Variants in LRRC4C observed in about 807,000 individuals in gnomAD.
LRRC4C encodes leucine-rich repeat-containing protein 4C.
Under a neutral mutation model 33.6 loss-of-function variants are expected in LRRC4C, and 5 were observed. That is an observed-to-expected ratio of 0.15 (90% confidence interval 0.08 to 0.31). The LOEUF is 0.31. LRRC4C is among the 10% of genes least tolerant of loss of function. The probability of loss-of-function intolerance (pLI) is 1.00; values close to 1 mark genes in which losing one functional copy is unlikely to be tolerated. For missense variants in LRRC4C, 560 were observed against 796.7 expected (o/e 0.70, Z 3.58); for synonymous variants, 329 against 302.0 (o/e 1.09, Z -0.93).
At chr11:40,886,356 A>G (rs980238528) in intron 2 of LRRC4C, among the ~76,000 whole-genome samples, 11 of 151,392 alleles carry the variant, frequency 7.3e-5, no homozygotes, top group African/African-American at 2.2e-4. Flanking sequence ...GTTATTTTCA[A>G]TTCAATGCAA....
chr11:40,807,021 A>AT (rs1832695185), intron 2 of LRRC4C, among the ~76,000 whole-genome samples: 1 of 152,090 alleles, frequency 6.6e-6, no homozygotes, highest in South Asian at 2.1e-4. Flanking sequence ...TTTATATTAT[A>AT]TTTTTAATGA....
intron 3 of LRRC4C, among the ~76,000 whole-genome samples, chr11:40,552,798 T>C (rs1321963413): frequency 3.9e-5 from 6 of 152,148 alleles, no homozygotes; most frequent in Admixed American, 3.3e-4. Context: ...CCTTTTTCAT[T>C]CTTCAAAATG....
intron 4 of LRRC4C, among the ~76,000 whole-genome samples, chr11:40,262,911 C>T (rs1445077306): frequency 6.6e-6 from 1 of 151,594 alleles, no homozygotes; most frequent in South Asian, 2.1e-4. Context: ...AGCAAACCAC[C>T]ATGGCACGTG....
At chr11:40,358,209 A>G (rs1947768557) in intron 3 of LRRC4C, among the ~76,000 whole-genome samples, 1 of 151,792 alleles carries the variant, frequency 6.6e-6, no homozygotes, top group African/African-American at 2.4e-5. Flanking sequence ...ATAACAAAAA[A>G]CAACAACAAC....
At chr11:41,209,977 C>G (rs545021206) in intron 1 of LRRC4C, among the ~76,000 whole-genome samples, 1 of 152,270 alleles carries the variant, frequency 6.6e-6, no homozygotes, top group African/African-American at 2.4e-5. Context: ...TATTCTCTCT[C>G]TCTCTGCATG....
chr11:40,670,908 T>C (rs965806675), intron 2 of LRRC4C, among the ~76,000 whole-genome samples: 3 of 152,092 alleles, frequency 2.0e-5, no homozygotes, highest in Admixed American at 6.5e-5. Flanking sequence ...GGACTATAGG[T>C]GCCCGCCACC....
At position 40,718,588 on chromosome 11, in the gene LRRC4C, G is replaced by C. The variant is rs147604703; in HGVS notation, c.-406-70310C>G. ...TTATGTATTTCTAAGAGCAGCAAGA[G>C]TCTAAGTAAACTACAAGTCAAATAG... On this transcript the variant is annotated intron_variant, in intron 2 of 6. Transcript: ENST00000528697. 3.7e-4 allele frequency among the ~76,000 whole-genome samples: 57 copies of C among 152,242 alleles called. No individual in the cohort carries two copies. The East Asian group carries it at 9.3e-3, about 25-fold the overall frequency.
intron 1 of LRRC4C, among the ~76,000 whole-genome samples, chr11:41,298,909 T>C (rs1475340602): frequency 2.0e-5 from 3 of 152,180 alleles, no homozygotes; most frequent in African/African-American, 7.2e-5. Flanking sequence ...ATTCTATTTC[T>C]GAGTTGCCTC....
chr11:40,725,572 A>T (rs888571625), intron 2 of LRRC4C, among the ~76,000 whole-genome samples: 3 of 151,882 alleles, frequency 2.0e-5, no homozygotes, highest in African/African-American at 7.3e-5. Flanking sequence ...GACAAGGTGG[A>T]CTCCAGCATT....
intron 3 of LRRC4C, among the ~76,000 whole-genome samples, chr11:40,604,057 AC>A: frequency 6.6e-6 from 1 of 152,282 alleles, no homozygotes; most frequent in African/African-American, 2.4e-5. Context: ...GCTTAATCAC[AC>A]ATACAAACAC....
chr11:40,452,202 C>T (rs1306716568), intron 3 of LRRC4C, among the ~76,000 whole-genome samples: 1 of 152,126 alleles, frequency 6.6e-6, no homozygotes, highest in Non-Finnish European at 1.5e-5. Context: ...AACTAAAGAG[C>T]TTCTGCACAG....
chr11:40,590,144 T>C (rs887120776), intron 3 of LRRC4C, among the ~76,000 whole-genome samples: 7 of 151,790 alleles, frequency 4.6e-5, no homozygotes, highest in African/African-American at 1.7e-4. Context: ...TCTTTTCACA[T>C]AGTCCCATAT....
At chr11:40,653,317 C>T (rs560110534) in intron 2 of LRRC4C, among the ~76,000 whole-genome samples, 4 of 152,292 alleles carry the variant, frequency 2.6e-5, no homozygotes, top group African/African-American at 7.2e-5. Context: ...TGTTGAATGA[C>T]TTTGACCAAA....
At chr11:41,431,762 A>C (rs1271954532) in intron 1 of LRRC4C, among the ~76,000 whole-genome samples, 1 of 152,148 alleles carries the variant, frequency 6.6e-6, no homozygotes, top group Non-Finnish European at 1.5e-5. Context: ...ACACATGCAG[A>C]TAACCAAATA....
intron 1 of LRRC4C, among the ~76,000 whole-genome samples, chr11:41,027,176 A>T (rs1219609270): frequency 1.3e-5 from 2 of 151,730 alleles, no homozygotes; most frequent in Non-Finnish European, 3.0e-5. Flanking sequence ...CAATACAATT[A>T]CTATATTTTT....
chr11:41,283,227 T>A (rs948021576), intron 1 of LRRC4C, among the ~76,000 whole-genome samples: 16 of 152,234 alleles, frequency 1.1e-4, no homozygotes, highest in African/African-American at 3.9e-4. Flanking sequence ...TTTGAGCAGA[T>A]GGTCTGGAAA....
chr11:40,647,710 A>T (rs759939383), intron 3 of LRRC4C, among the ~76,000 whole-genome samples: 18 of 152,196 alleles, frequency 1.2e-4, no homozygotes, highest in Non-Finnish European at 2.5e-4. Flanking sequence ...TTCCATATTA[A>T]TGATTGAACC....
intron 1 of LRRC4C, among the ~76,000 whole-genome samples, chr11:41,286,923 A>G (rs1949847560): frequency 6.6e-6 from 1 of 152,048 alleles, no homozygotes; most frequent in Non-Finnish European, 1.5e-5. Flanking sequence ...AAATGACCAC[A>G]TCAGTTAGGA....
At chr11:40,453,313 G>C (rs115310180) in intron 3 of LRRC4C, among the ~76,000 whole-genome samples, 1,632 of 151,564 alleles carry the variant, frequency 0.011, 30 homozygotes, top group African/African-American at 0.037. Flanking sequence ...GTGCTTTTGA[G>C]AAAATAAAAA....
Sources: gnomAD v4.1 joint callset for allele counts (sites outside exome capture counted in the v4.1 genomes callset) on GRCh38, gnomAD v4.1.1 for gene constraint, MANE v1.5 for transcripts, NCBI Gene and HGNC (gene_info 2026-07-23, HGNC 2026-07-21) for gene names.